ALS2CL: variants seen among roughly 807,000 people sequenced by gnomAD.
ALS2CL encodes the protein ALS2 C-terminal-like protein.
In ALS2CL, 112 loss-of-function variants were observed where a neutral mutation model predicts 127.9. That is an observed-to-expected ratio of 0.88 (90% CI 0.75 to 1.02). The LOEUF (loss-of-function observed/expected upper bound fraction) is 1.02, where lower values mean the gene tolerates loss of function less well. Among genes scored for constraint, ALS2CL ranks in the 50% least tolerant of loss-of-function variants. The pLI is 0.00. For synonymous variants in ALS2CL, 519 were observed against 527.6 expected (o/e 0.98, Z 0.22); for missense variants, 1,174 against 1,236.7 (o/e 0.95, Z 0.76).
intron 14 of ALS2CL, chr3:46,679,652 G>T (rs1423965987): frequency 1.2e-5 from 2 of 170,066 alleles, no homozygotes; most frequent in Admixed American, 1.2e-4. Flanking sequence ...AGGCTCCCTT[G>T]CCCCATGGGC....
In ALS2CL at chr3:46,687,716, C is replaced by A. The variant is rs762122788; in HGVS notation, c.303-32G>T. 3 of 1,598,792 alleles carry A rather than the reference C, an allele frequency of 1.9e-6. No homozygotes were observed. The African/African-American group carries it at 4.0e-5, about 21-fold the overall frequency. Reference sequence around the variant, plus strand: ...GCAGCACAGGGGACACCCTGCAAACCCAGTCCTCAGCCCCAGACCTAAGCC... The same window carrying A: ...GCAGCACAGGGGACACCCTGCAAACACAGTCCTCAGCCCCAGACCTAAGCC... On this transcript the variant is annotated intron_variant, in intron 3 of 25. Transcript: ENST00000318962.
At chr3:46,691,119 C>T (rs757066735) in intron 1 of ALS2CL, among the ~76,000 whole-genome samples, 7 of 152,188 alleles carry the variant, frequency 4.6e-5, no homozygotes, top group Non-Finnish European at 1.0e-4. Flanking sequence ...ACACAGGGGG[C>T]TCCAGGTCAG....
chr3:46,693,664 C>G lies in ALS2CL; in HGVS notation c.-47G>C, dbSNP rs2106762607. The stretch of plus-strand genomic sequence containing the variant: ...TTACCTGAGCGCTGTGGTTGCCCCG[C>G]GCCGGGACTGCCTGTGCGGCTCCTC... On this transcript the variant is annotated 5_prime_UTR_variant, in exon 1 of 26. Transcript: ENST00000318962. The G allele has an allele frequency of 6.6e-6, 1 of 152,458 alleles. No individual in the cohort carries two copies. The highest frequency in any genetic ancestry group is 1.5e-5 in the Non-Finnish European group (1 of 68,110). 9.4% of individuals were successfully genotyped at this position (152,458 alleles called of 1,614,324 possible).
intron 2 of ALS2CL, 41 bp downstream of exon 2, chr3:46,689,297 C>T (rs754355850): frequency 1.3e-6 from 2 of 1,597,422 alleles, no homozygotes; most frequent in Non-Finnish European, 1.7e-6. Flanking sequence ...TGGGATCATT[C>T]CTCGGTGCCC....
chr3:46,680,404 G>T, intron 14 of ALS2CL, 26 bp downstream of exon 14: 3 of 1,602,142 alleles, frequency 1.9e-6, no homozygotes, highest in Non-Finnish European at 2.6e-6. Context: ...CAAAGAGAGG[G>T]ATAGCCCAGG....
Position 46,676,904 on chromosome 3 carries a change from C to G in ALS2CL, c.1876G>C (p.Asp626His). 2 of 1,613,590 alleles carry G rather than the reference C, an allele frequency of 1.2e-6. No individual in the cohort carries two copies. The highest frequency in any genetic ancestry group is 1.1e-5 in the South Asian group (1 of 91,074). The change falls in exon 17 of 26, where the codon GAC becomes CAC. Residue 626 changes from aspartate (D) to histidine (H), a missense_variant. Physicochemically the swap from Asp to His is moderately conservative, Grantham distance 81. Coordinates refer to ENST00000318962, the MANE Select transcript of ALS2CL (RefSeq NM_147129.5). ...RDLQEALLGF[D>H]VQSSRELRRS... ...CGCAGCTCCCTGGAGCTCTGCACGT[C>G]GAAGCCCAGCAGGGCCTCCTGCAGG...
intron 19 of ALS2CL, chr3:46,675,981 A>C: frequency 7.0e-7 from 1 of 1,422,584 alleles, no homozygotes; most frequent in Non-Finnish European, 9.2e-7. Context: ...CTCAGCCTAC[A>C]GTGGGGTGAG....
At chr3:46,684,366 G>A (rs1699609521) in intron 7 of ALS2CL, among the ~76,000 whole-genome samples, 1 of 151,654 alleles carries the variant, frequency 6.6e-6, no homozygotes, top group Non-Finnish European at 1.5e-5. Context: ...CTGCCTGGGG[G>A]TTGAGACACT....
At chr3:46,683,752 T>C (rs759989140) in intron 9 of ALS2CL, 30 bp downstream of exon 9, 2 of 1,612,012 alleles carry the variant, frequency 1.2e-6, no homozygotes, top group East Asian at 4.5e-5. Flanking sequence ...CTGACCCCGC[T>C]CCCGCAGTTC....
intron 7 of ALS2CL, among the ~76,000 whole-genome samples, chr3:46,684,337 A>C (rs1699604898): frequency 6.6e-6 from 1 of 152,106 alleles, no homozygotes; most frequent in Admixed American, 6.5e-5. Context: ...CCCTGCTGGA[A>C]ACCTCTCTAT....
At position 46,681,061 on chromosome 3, in the gene ALS2CL, G is replaced by A; in HGVS notation, c.1436+185C>T. On this transcript the variant is annotated intron_variant, in intron 13 of 25. Transcript: ENST00000318962. This position sits in a 1 kb window ranked among gnomAD's most constrained non-coding sequence, Gnocchi z 4.9. ...AGGGGTGAGGGGCGGGGGCGACCCT[G>A]CAGTCAGCGTGACCAAGATTCGCTC... 1 of 952,164 alleles carries A rather than the reference G, an allele frequency of 1.1e-6. No individual in the cohort carries two copies. Among genetic ancestry groups the A allele is most frequent in the Non-Finnish European group, 1.7e-6 (1 of 604,412 alleles). The allele number at this position is 952,164 out of a possible 1,614,324, so 59.0% of individuals were successfully genotyped here.
intron 20 of ALS2CL, chr3:46,675,065 G>A (rs1698702894): frequency 3.8e-6 from 1 of 264,122 alleles, no homozygotes; most frequent in African/African-American, 2.2e-5. Flanking sequence ...GGCTGATTCA[G>A]TTCCACCTCC....
At chr3:46,674,907 C>A in intron 20 of ALS2CL, 168 bp from the exon 21 acceptor site, 1 of 591,340 alleles carries the variant, frequency 1.7e-6, no homozygotes, top group Non-Finnish European at 2.8e-6. Flanking sequence ...ATCATTTGCC[C>A]AATTCAATTC....
At chr3:46,688,027 A>C (rs1035983545) in intron 3 of ALS2CL, 71 bp downstream of exon 3, 260 of 1,557,034 alleles carry the variant, frequency 1.7e-4, no homozygotes, top group Non-Finnish European at 2.2e-4. Context: ...CCCCAACCCC[A>C]GGTGAACCTT....
chr3:46,670,822 T>C lies in ALS2CL; in HGVS notation c.*162A>G. 1.4e-6 allele frequency: 1 copy of C among 712,238 alleles called. No homozygotes were observed. Among genetic ancestry groups the C allele is most frequent in the Non-Finnish European group, 2.4e-6 (1 of 422,658 alleles). 44.1% of individuals were successfully genotyped at this position (712,238 alleles called of 1,614,324 possible). On this transcript the variant is annotated 3_prime_UTR_variant, in exon 26 of 26. Transcript: ENST00000318962. This position sits in a 1 kb window ranked among gnomAD's most constrained non-coding sequence, Gnocchi z 5.5. ...GGGCCACACCCGTCACCCCTCACCCTCATCCCAGTCAGGGCAGCAGCAGCA... is the reference window on the plus strand; with the variant it reads ...GGGCCACACCCGTCACCCCTCACCCCCATCCCAGTCAGGGCAGCAGCAGCA...
intron 1 of ALS2CL, among the ~76,000 whole-genome samples, chr3:46,690,369 C>A (rs1700082064): frequency 6.6e-6 from 1 of 152,218 alleles, no homozygotes; most frequent in African/African-American, 2.4e-5. Flanking sequence ...TGAAGGGGTG[C>A]CTGCTGGATG....
At chr3:46,692,322 A>G (rs1354185719) in intron 1 of ALS2CL, among the ~76,000 whole-genome samples, 1 of 152,114 alleles carries the variant, frequency 6.6e-6, no homozygotes, top group East Asian at 1.9e-4. Context: ...CTGAACCTTA[A>G]TATGAGGAGG....
intron 10 of ALS2CL, among the ~76,000 whole-genome samples, chr3:46,682,474 A>T (rs1699430544): frequency 6.6e-6 from 1 of 152,302 alleles, no homozygotes; most frequent in South Asian, 2.1e-4. Flanking sequence ...CCTTTTGTTC[A>T]TAAGTCTTCT....
rs376546103 is a variant in ALS2CL, at chr3:46,675,618, C to T, written c.2255G>A (p.Arg752Lys). ...ALEEDEDTET[R>K]DLQVHGLVLP... The stretch of plus-strand genomic sequence containing the variant: ...CCCCAAGGAGACCTGCGCCAGTCAC[C>T]TTGTCTCTGTGTCTTCATCCTCCTC... The change falls in exon 20 of 26, where the codon AGG (arginine) becomes AAG (lysine). Residue 752 changes from arginine (R) to lysine (K), a missense_variant and splice_region_variant. Arg to Lys is a conservative substitution (Grantham distance 26). Coordinates refer to ENST00000318962, the MANE Select transcript of ALS2CL (RefSeq NM_147129.5). The T allele has an allele frequency of 1.1e-5, 18 of 1,613,646 alleles. No individual in the cohort carries two copies. The highest frequency in any genetic ancestry group is 2.2e-5 in the East Asian group (1 of 44,892).
Sources: gnomAD v4.1 joint callset for allele counts (sites outside exome capture counted in the v4.1 genomes callset) on GRCh38, gnomAD v4.1.1 for gene constraint, Gnocchi (gnomAD v3.1) non-coding constraint, MANE v1.5 for transcripts, NCBI Gene and HGNC (gene_info 2026-07-23, HGNC 2026-07-21) for gene names.